SLC25A15: variants seen among roughly 807,000 people sequenced by gnomAD.
SLC25A15 encodes mitochondrial ornithine transporter 1.
Under a neutral mutation model 32.3 loss-of-function variants are expected in SLC25A15, and 24 were observed. The ratio of observed to expected loss-of-function variants is 0.74; its 90% CI spans 0.54 to 1.04. SLC25A15 has a LOEUF of 1.04. Among genes scored for constraint, SLC25A15 ranks in the 50% least tolerant of loss-of-function variants. The pLI is 0.00. For synonymous variants in SLC25A15, 132 were observed against 142.1 expected (o/e 0.93, Z 0.51); for missense variants, 317 against 374.5 (o/e 0.85, Z 1.27).
At chr13:40,801,368 GC>G (rs1229006963) in intron 3 of SLC25A15, among the ~76,000 whole-genome samples, 1 of 151,364 alleles carries the variant, frequency 6.6e-6, no homozygotes, top group Admixed American at 6.6e-5. Context: ...TTGGGGAAAT[GC>G]TCTCTTAGAG....
At chr13:40,806,850 C>G (rs577016720) in intron 4 of SLC25A15, among the ~76,000 whole-genome samples, 6 of 152,312 alleles carry the variant, frequency 3.9e-5, no homozygotes, top group Admixed American at 1.3e-4. Flanking sequence ...AAGAAATTCT[C>G]CCGCATCCCT....
intron 1 of SLC25A15, among the ~76,000 whole-genome samples, chr13:40,790,369 C>T (rs376655648): frequency 6.6e-6 from 1 of 152,164 alleles, no homozygotes; most frequent in Admixed American, 6.5e-5. Context: ...GGGTCAAAGG[C>T]GCTGAAAAGA....
At chr13:40,791,612 G>A (rs1035360716) in intron 1 of SLC25A15, among the ~76,000 whole-genome samples, 5 of 151,778 alleles carry the variant, frequency 3.3e-5, no homozygotes, top group Admixed American at 6.6e-5. Context: ...CACCTCAGCC[G>A]GCCCAAAGTG....
chr13:40,791,926 G>A (rs1881520956), intron 1 of SLC25A15, among the ~76,000 whole-genome samples: 2 of 152,184 alleles, frequency 1.3e-5, no homozygotes, highest in South Asian at 4.1e-4. Context: ...TTGACGTTCA[G>A]GGTGACATTG....
chr13:40,798,832 C>A, intron 2 of SLC25A15: 1 of 985,422 alleles, frequency 1.0e-6, no homozygotes, highest in Non-Finnish European at 1.2e-6. Flanking sequence ...ATGTCTGTCT[C>A]TCTCCCCTGC....
rs1414286965 is a variant in SLC25A15, at chr13:40,799,222, A to G, written c.221A>G (p.Asn74Ser). 5.0e-6 allele frequency: 8 copies of G among 1,614,134 alleles called. No homozygotes were observed. The highest frequency in any genetic ancestry group is 6.8e-6 in the Non-Finnish European group (8 of 1,180,056). ...GGTACCAGTCCAGCACTAATCGCCAACATCGCTGAGAACTCAGTCCTCTTC... is the reference window on the plus strand; with the variant it reads ...GGTACCAGTCCAGCACTAATCGCCAGCATCGCTGAGAACTCAGTCCTCTTC... ...YKGTSPALIA[N>S]IAENSVLFMC... Residue 74 changes from asparagine (N) to serine (S), a missense_variant, in exon 3 of 7, where the codon AAC (asparagine) becomes AGC (serine). Coordinates refer to ENST00000338625, the MANE Select transcript of SLC25A15 (RefSeq NM_014252.4).
intron 3 of SLC25A15, 61 bp downstream of exon 3, chr13:40,799,376 C>T: frequency 6.3e-7 from 1 of 1,597,458 alleles, no homozygotes; most frequent in Non-Finnish European, 8.6e-7. Flanking sequence ...ACTGGCAAGA[C>T]ATGGTGGCTC....
chr13:40,799,671 C>A (rs1427392240), intron 3 of SLC25A15, among the ~76,000 whole-genome samples: 1 of 152,208 alleles, frequency 6.6e-6, no homozygotes, highest in African/African-American at 2.4e-5. Flanking sequence ...TGCTCATCAT[C>A]CACCACTGAG....
chr13:40,795,901 G>T (rs181865108), intron 2 of SLC25A15, among the ~76,000 whole-genome samples: 1 of 152,330 alleles, frequency 6.6e-6, no homozygotes, highest in Admixed American at 6.5e-5. Context: ...TACACAGCAA[G>T]ATGGTGTGAA....
chr13:40,796,685 C>T (rs1881678839), intron 2 of SLC25A15, among the ~76,000 whole-genome samples: 1 of 152,148 alleles, frequency 6.6e-6, no homozygotes, highest in African/African-American at 2.4e-5. Flanking sequence ...GAGGGTCTCA[C>T]CTCTGCTTGG....
rs147147914 is a variant in SLC25A15 at position 40,811,709 on chromosome 13, G to T, written c.*2042G>T. Among the ~76,000 whole-genome samples, 1 of 152,314 alleles carries T rather than the reference G, an allele frequency of 6.6e-6. No homozygotes were observed. Among genetic ancestry groups the T allele is most frequent in the Non-Finnish European group, 1.5e-5 (1 of 68,028 alleles). On this transcript the variant is annotated 3_prime_UTR_variant, in exon 7 of 7. Transcript: ENST00000338625. ...TTTGTGCTGCTCCAACACCAGCAGG[G>T]TATCTCCCAATAAAGTGTTCCTAAG...
At chr13:40,800,370 G>C (rs895720978) in intron 3 of SLC25A15, among the ~76,000 whole-genome samples, 1 of 152,162 alleles carries the variant, frequency 6.6e-6, no homozygotes, top group African/African-American at 2.4e-5. Context: ...GCACAGAAAG[G>C]GCAGGCAGGA....
chr13:40,798,811 C>T, intron 2 of SLC25A15: 1 of 983,414 alleles, frequency 1.0e-6, no homozygotes, highest in Non-Finnish European at 1.2e-6. Flanking sequence ...CTGTTTGCCG[C>T]TGTTGAACAC....
At position 40,811,522 on chromosome 13, in the gene SLC25A15, C is replaced by A. The variant is rs9566580; in HGVS notation, c.*1855C>A. Among the ~76,000 whole-genome samples the A allele has an allele frequency of 0.2, 30,381 of 151,920 alleles. 4,064 individuals carry two copies. The highest frequency in any genetic ancestry group is 0.37 in the African/African-American group (15,433 of 41,414). On this transcript the variant is annotated 3_prime_UTR_variant, in exon 7 of 7. Transcript: ENST00000338625. ...AAAGAAAAGAAAAGCAATTGTACTT[C>A]ACTATGCCATATGTATGTATTCACT...
intron 2 of SLC25A15, among the ~76,000 whole-genome samples, chr13:40,797,684 T>G (rs1158860755): frequency 2.0e-5 from 3 of 152,224 alleles, no homozygotes; most frequent in East Asian, 1.9e-4. Context: ...ACTCTGGAAT[T>G]GTTGGCTTAT....
At position 40,794,013 on chromosome 13, in the gene SLC25A15, T is replaced by A. The variant is rs139545437; in HGVS notation, c.55+732T>A. 2.0e-3 allele frequency among the ~76,000 whole-genome samples: 302 copies of A among 152,288 alleles called. 1 individual carries two copies. The highest frequency in any genetic ancestry group is 7.0e-3 in the African/African-American group (292 of 41,556). ...GGGAAACACCACTTACTGTCCCTGCTAGTGTTGGGAAAGAAAGGAGGACAC... is the reference window on the plus strand; with the variant it reads ...GGGAAACACCACTTACTGTCCCTGCAAGTGTTGGGAAAGAAAGGAGGACAC... On this transcript the variant is annotated intron_variant, in intron 2 of 6. Transcript: ENST00000338625.
At position 40,799,096 on chromosome 13, in the gene SLC25A15, CAATG is replaced by C. The variant is rs752415542; in HGVS notation, c.98_101del (p.Met33LysfsTer2). 3 of 1,614,180 alleles carry C rather than the reference CAATG, an allele frequency of 1.9e-6. No homozygotes were observed. The South Asian group carries it at 3.3e-5, about 18-fold the overall frequency. On this transcript the variant is annotated frameshift_variant, in exon 3 of 7. Transcript: ENST00000338625. LOFTEE classifies it high-confidence loss of function. ...GTACTGACCGGGCAGCCCTTTGACA[CAATG>C]AAAGTGAAGATGCAGACGTTCCCTG...
chr13:40,802,621 G>C (rs1165090665), intron 3 of SLC25A15, among the ~76,000 whole-genome samples: 1 of 151,422 alleles, frequency 6.6e-6, no homozygotes, highest in Non-Finnish European at 1.5e-5. Flanking sequence ...TGTCGCCCAG[G>C]CTGGAGTGCA....
Position 40,805,100 on chromosome 13 carries a change from C to G in SLC25A15, c.315-18C>G. ...AATGAAGAAACTGAGGGGTAACTGTCTGCTTGTGTGCTTTCAGTGATCTGC... is the reference window on the plus strand; with the variant it reads ...AATGAAGAAACTGAGGGGTAACTGTGTGCTTGTGTGCTTTCAGTGATCTGC... On this transcript the variant is annotated intron_variant, in intron 3 of 6. Transcript: ENST00000338625. 2 of 1,613,894 alleles carry G rather than the reference C, an allele frequency of 1.2e-6. No homozygotes were observed. The highest frequency in any genetic ancestry group is 1.7e-6 in the Non-Finnish European group (2 of 1,179,886).
Sources: allele counts gnomAD v4.1 joint callset (sites outside exome capture counted in the v4.1 genomes callset), GRCh38; gene constraint gnomAD v4.1.1; transcripts MANE v1.5; gene names NCBI Gene and HGNC (gene_info 2026-07-23, HGNC 2026-07-21).